The following ZNF724 variants were observed in gnomAD, a reference collection of about 807,000 sequenced individuals.
ZNF724 encodes zinc finger protein 724, also known as zinc finger protein 724 pseudogene.
Under a neutral mutation model 29.3 loss-of-function variants are expected in ZNF724, and 14 were observed. The observed-to-expected ratio is 0.48, with a 90% CI of 0.32 to 0.75. The LOEUF (loss-of-function observed/expected upper bound fraction) is 0.75. ZNF724 is among the 30% of genes least tolerant of loss of function. ZNF724 has a pLI of 0.04. For missense variants in ZNF724, 557 were observed against 571.2 expected (o/e 0.98, Z 0.25); for synonymous variants, 180 against 193.6 (o/e 0.93, Z 0.58).
chr19:23,245,628 T>C (rs929561298), intron 1 of ZNF724, among the ~76,000 whole-genome samples: 3 of 151,134 alleles, frequency 2.0e-5, no homozygotes, highest in African/African-American at 7.3e-5. Context: ...AAAAAAAAAA[T>C]TATCTGATTT....
chr19:23,236,928 C>G (rs757920374), intron 1 of ZNF724: 17 of 152,044 alleles, frequency 1.1e-4, no homozygotes, highest in Non-Finnish European at 1.6e-4. Flanking sequence ...CCTTAGCTCA[C>G]TGCAATCTCC....
intron 3 of ZNF724, among the ~76,000 whole-genome samples, chr19:23,227,285 T>C (rs1971849432): frequency 6.6e-6 from 1 of 152,192 alleles, no homozygotes; most frequent in African/African-American, 2.4e-5. Flanking sequence ...CCAGGCGTGG[T>C]GGCTCACGCC....
At chr19:23,243,756 C>T (rs997143749) in intron 1 of ZNF724, among the ~76,000 whole-genome samples, 7 of 151,358 alleles carry the variant, frequency 4.6e-5, no homozygotes, top group Admixed American at 4.0e-4. Context: ...AACCTCGTCT[C>T]TACTAAAAAT....
chr19:23,246,375 G>C (rs1309103831), intron 1 of ZNF724, among the ~76,000 whole-genome samples: 2 of 152,006 alleles, frequency 1.3e-5, no homozygotes, highest in Admixed American at 1.3e-4. Flanking sequence ...ATTTAGCATC[G>C]GCCGGGCGCA....
chr19:23,241,053 CAAA>C lies in ZNF724; in HGVS notation c.4-8763_4-8761del, dbSNP rs1162705287. Among the ~76,000 whole-genome samples, 159 of 148,870 alleles carry C rather than the reference CAAA, an allele frequency of 1.1e-3. 1 individual carries two copies. The highest frequency in any genetic ancestry group is 7.0e-3 in the Middle Eastern group (2 of 286). The stretch of plus-strand genomic sequence containing the variant: ...ATCTCAACAACAACAACAACAACAA[CAAA>C]AAAAAAAGACTACAGAGACATTACC... On this transcript the variant is annotated intron_variant, in intron 1 of 3. Coordinates refer to ENST00000418100, the MANE Select transcript of ZNF724 (RefSeq NM_001355404.2).
rs745547565 is a variant in ZNF724, at chr19:23,223,256, C to A, written c.989G>T (p.Arg330Ile). 5 of 870,356 alleles carry A rather than the reference C, an allele frequency of 5.7e-6. No individual in the cohort carries two copies. The highest frequency in any genetic ancestry group is 2.4e-5 in the East Asian group (1 of 40,860). 53.9% of individuals were successfully genotyped at this position (870,356 alleles called of 1,614,324 possible). ...NQSSNLTKHK[R>I]IHTGDKPYKC... is the part of the protein sequence containing the mutation. ...ATAAGGTTTATCACCAGTATGAATT[C>A]TCTTATGTTTAGTAAGGTTCGAGGA... is the stretch of plus-strand genomic sequence containing the variant. Residue 330 changes from arginine to isoleucine, a missense_variant, in exon 4 of 4, where the codon AGA (arginine) becomes ATA (isoleucine). This residue lies in a region of ZNF724 where 362 missense variants were observed against 295.5 expected (regional missense o/e 1.22). Coordinates refer to ENST00000418100, the MANE Select transcript of ZNF724 (RefSeq NM_001355404.2).
Position 23,222,827 on chromosome 19 carries a change from G to A in ZNF724, c.1418C>T (p.Thr473Ile), listed in dbSNP as rs1157560316. Residue 473 changes from threonine (T) to isoleucine (I), a missense_variant, in exon 4 of 4, where the codon ACT (threonine) becomes ATT (isoleucine). Transcript: ENST00000418100. ...TTCACATTTGTAGGGTTTCTCTCCA[G>A]TATGAATTATCCTATGTTCAGTAAG... ...SNLTEHRIIHTGEKPYKCEEC... is the reference protein window; with the variant it reads ...SNLTEHRIIHIGEKPYKCEEC... The A allele has an allele frequency of 1.4e-6, 2 of 1,421,700 alleles. No individual in the cohort carries two copies. Among genetic ancestry groups the A allele is most frequent in the Non-Finnish European group, 2.0e-6 (2 of 1,011,890 alleles). 88.1% of individuals were successfully genotyped at this position (1,421,700 alleles called of 1,614,324 possible).
chr19:23,233,703 AAC>A (rs987686265), intron 1 of ZNF724, among the ~76,000 whole-genome samples: 3 of 152,092 alleles, frequency 2.0e-5, no homozygotes, highest in Non-Finnish European at 2.9e-5. Context: ...GGGAGAAAAA[AAC>A]ACAAGTATAG....
chr19:23,225,175 A>T (rs1971804541), intron 3 of ZNF724, among the ~76,000 whole-genome samples: 1 of 152,226 alleles, frequency 6.6e-6, no homozygotes, highest in African/African-American at 2.4e-5. Context: ...CAGGACCTAG[A>T]AGAGATATGT....
chr19:23,246,777 T>C (rs953489710), intron 1 of ZNF724, among the ~76,000 whole-genome samples: 6 of 152,232 alleles, frequency 3.9e-5, no homozygotes, highest in Non-Finnish European at 7.3e-5. Flanking sequence ...TATCAATCTA[T>C]GTAACTCAGC....
At chr19:23,224,949 C>T (rs11085570) in intron 3 of ZNF724, among the ~76,000 whole-genome samples, 48,416 of 151,360 alleles carry the variant, frequency 0.32, 8,040 homozygotes, top group African/African-American at 0.41. Flanking sequence ...AGCAAGACTC[C>T]GTCTCAAACA....
Position 23,222,277 on chromosome 19 carries a change from C to A in ZNF724, c.*108G>T. ...TGTACGGTTTCTCTCCAGTAATTCT[C>A]TTCGTTGGCCAGGATGGTCTCAATC... On this transcript the variant is annotated 3_prime_UTR_variant, in exon 4 of 4. Transcript: ENST00000418100. 1.6e-6 allele frequency: 1 copy of A among 617,630 alleles called. No individual in the cohort carries two copies. Among genetic ancestry groups the A allele is most frequent in the Admixed American group, 2.9e-5 (1 of 33,904 alleles). The allele number at this position is 617,630 out of a possible 1,614,324, so 38.3% of individuals were successfully genotyped here. A position where few individuals can be genotyped will look rare whatever the true frequency, so the allele number is the denominator to read the frequency against.
rs1489276436 is a variant in ZNF724, at chr19:23,223,567, G to A, written c.678C>T (p.Tyr226=). The change falls in exon 4 of 4, where the codon TAC becomes TAT. Residue 226 remains tyrosine (Y), a synonymous_variant. Coordinates refer to ENST00000418100, the MANE Select transcript of ZNF724 (RefSeq NM_001355404.2). ...HKRIHTGQKH[Y]KCEECGIAFN... is the part of the protein sequence containing the mutation. ...AGGCTATGCCACATTCTTCACATTTGTAGTGTTTTTGTCCTGTATGAATTC... is the reference window on the plus strand; with the variant it reads ...AGGCTATGCCACATTCTTCACATTTATAGTGTTTTTGTCCTGTATGAATTC... 1.4e-6 allele frequency: 1 copy of A among 724,984 alleles called. No homozygotes were observed. The highest frequency in any genetic ancestry group is 1.5e-5 in the South Asian group (1 of 68,942). 44.9% of individuals were successfully genotyped at this position (724,984 alleles called of 1,614,324 possible). A position where few individuals can be genotyped will look rare whatever the true frequency, so the allele number is the denominator to read the frequency against.
intron 1 of ZNF724, among the ~76,000 whole-genome samples, chr19:23,237,198 T>G (rs1182933301): frequency 6.6e-6 from 1 of 152,158 alleles, no homozygotes; most frequent in Non-Finnish European, 1.5e-5. Context: ...ACTTTGTTTA[T>G]ATAGTAAAAT....
rs540181411 is a variant in ZNF724, at chr19:23,223,481, T to G, written c.764A>C (p.Lys255Thr). Residue 255 changes from lysine to threonine, a missense_variant, in exon 4 of 4, where the codon AAA becomes ACA. Physicochemically the swap from Lys to Thr is moderately conservative, Grantham distance 78 (BLOSUM62 -1). This residue lies in a region of ZNF724 where 362 missense variants were observed against 295.5 expected (regional missense o/e 1.22). Coordinates refer to ENST00000418100, the MANE Select transcript of ZNF724 (RefSeq NM_001355404.2). Reference sequence around the variant, plus strand: ...AAAAGCTTTTCCACATTCTTCACGTTTGTAGGATTTCTCTCCAGTATGAAT... The same window carrying G: ...AAAAGCTTTTCCACATTCTTCACGTGTGTAGGATTTCTCTCCAGTATGAAT... ...KIIHTGEKSY[K>T]REECGKAFNI... The G allele has an allele frequency of 1.3e-6, 1 of 756,054 alleles. No individual in the cohort carries two copies. The highest frequency in any genetic ancestry group is 2.5e-6 in the Non-Finnish European group (1 of 406,552). The allele number at this position is 756,054 out of a possible 1,614,324, so 46.8% of individuals were successfully genotyped here. A position where few individuals can be genotyped will look rare whatever the true frequency, so the allele number is the denominator to read the frequency against.
At chr19:23,248,940 C>T (rs1000021845) in intron 1 of ZNF724, among the ~76,000 whole-genome samples, 2 of 151,816 alleles carry the variant, frequency 1.3e-5, no homozygotes, top group Non-Finnish European at 2.9e-5. Context: ...GGTTGCAGAT[C>T]GTGCCACTGC....
chr19:23,247,845 G>T (rs1395165939), intron 1 of ZNF724, among the ~76,000 whole-genome samples: 1 of 152,154 alleles, frequency 6.6e-6, no homozygotes, highest in Admixed American at 6.6e-5. Flanking sequence ...TTCAAAGGAA[G>T]AATACACCAG....
chr19:23,243,202 G>A lies in ZNF724; in HGVS notation c.3+7038C>T, dbSNP rs1014274370. Among the ~76,000 whole-genome samples the A allele has an allele frequency of 8.6e-5, 13 of 152,044 alleles. No individual in the cohort carries two copies. In the East Asian group the frequency reaches 2.3e-3, roughly 27 times the overall value. On this transcript the variant is annotated intron_variant, in intron 1 of 3. Transcript: ENST00000418100. ...TTAGACAACTAATGCAGAAAGGCCA[G>A]CCATGGTGGCCCACACCTGTAATCC...
At chr19:23,247,713 T>C (rs2145797873) in intron 1 of ZNF724, among the ~76,000 whole-genome samples, 1 of 152,344 alleles carries the variant, frequency 6.6e-6, no homozygotes, top group South Asian at 2.1e-4. Context: ...AGAATCCAGC[T>C]GGCAGAAATT....
Sources: allele counts gnomAD v4.1 joint callset (sites outside exome capture counted in the v4.1 genomes callset), GRCh38; gene constraint gnomAD v4.1.1; regional missense constraint gnomAD v4.1.1; transcripts MANE v1.5; gene names NCBI Gene and HGNC (gene_info 2026-07-23, HGNC 2026-07-21).